The following SELP variants were observed in gnomAD, a reference collection of about 807,000 sequenced individuals.
SELP encodes the protein P-selectin.
Under a neutral mutation model 104.1 loss-of-function variants are expected in SELP, and 92 were observed. That is an observed-to-expected ratio of 0.88 (90% CI 0.75 to 1.05). SELP has a LOEUF of 1.05. Among genes scored for constraint, SELP ranks in the 50% least tolerant of loss-of-function variants. The pLI, the probability that SELP is intolerant of heterozygous loss-of-function variation, is 0.00. For synonymous variants in SELP, 397 were observed against 364.5 expected (o/e 1.09, Z -1.01); for missense variants, 1,022 against 1,017.3 (o/e 1.00, Z -0.06).
chr1:169,618,297 T>C (rs926584646), intron 2 of SELP, among the ~76,000 whole-genome samples: 2 of 152,224 alleles, frequency 1.3e-5, no homozygotes, highest in African/African-American at 4.8e-5. Flanking sequence ...TCCATTCTTC[T>C]TGGCTGTTTG....
chr1:169,614,737 G>A lies in SELP; in HGVS notation c.482-1044C>T, dbSNP rs1662724432. The stretch of plus-strand genomic sequence containing the variant: ...ACTAAAATTCTATAAACCATGCAAG[G>A]TTCTATAGGAAGAAGTTCCTGTGGC... On this transcript the variant is annotated intron_variant, in intron 3 of 16. Coordinates refer to ENST00000263686, the MANE Select transcript of SELP (RefSeq NM_003005.4). Among the ~76,000 whole-genome samples the A allele has an allele frequency of 2.0e-5, 3 of 152,128 alleles. No homozygotes were observed. The South Asian group carries it at 6.2e-4, about 32-fold the overall frequency.
intron 3 of SELP, among the ~76,000 whole-genome samples, chr1:169,614,198 A>G (rs1055203754): frequency 3.3e-5 from 5 of 152,216 alleles, no homozygotes; most frequent in African/African-American, 1.2e-4. Flanking sequence ...ACAGTGTTAG[A>G]GCCCAAACCC....
intron 1 of SELP, among the ~76,000 whole-genome samples, chr1:169,621,231 T>TTG (rs1274255327): frequency 4.1e-5 from 5 of 122,802 alleles, no homozygotes; most frequent in African/African-American, 9.5e-5. Context: ...TGGTGTGGAG[T>TTG]TGTGTGTGTG....
chr1:169,611,463 G>A (rs995588461), intron 7 of SELP, 29 bp downstream of exon 7: 3 of 1,609,028 alleles, frequency 1.9e-6, no homozygotes, highest in African/African-American at 2.7e-5. Context: ...TTCTTGGACA[G>A]AATGGAGGTT....
At position 169,597,018 on chromosome 1, in the gene SELP, A is replaced by G. The variant is rs867155719; in HGVS notation, c.1864T>C (p.Trp622Arg). 11 of 1,612,582 alleles carry G rather than the reference A, an allele frequency of 6.8e-6. 1 individual carries two copies. The South Asian group carries it at 7.7e-5, about 11-fold the overall frequency. Residue 622 changes from tryptophan (W) to arginine (R), a missense_variant, in exon 11 of 17, where the codon TGG becomes CGG. By Grantham distance (101) the Trp-to-Arg change is moderately radical. Transcript: ENST00000263686. ...NNVECTTSGR[W>R]SATPPTCKGI... is the part of the protein sequence containing the mutation. ...TTGCAGGTTGGTGGAGTAGCTGACC[A>G]TCTTCCAGAAGTTGTGCATTCCACA...
chr1:169,613,836 G>T, intron 3 of SELP, 143 bp from the exon 4 acceptor site: 1 of 665,416 alleles, frequency 1.5e-6, no homozygotes, highest in Non-Finnish European at 2.7e-6. Flanking sequence ...CTTCTAGAGA[G>T]CCAACCTGTC....
chr1:169,600,373 G>A (rs1252712291), intron 10 of SELP, among the ~76,000 whole-genome samples: 1 of 152,220 alleles, frequency 6.6e-6, no homozygotes, highest in Non-Finnish European at 1.5e-5. Context: ...AAGTCTAAAG[G>A]AGAATGTATG....
Position 169,604,835 on chromosome 1 carries a change from C to T in SELP, c.1520-1624G>A, listed in dbSNP as rs531447419. Among the ~76,000 whole-genome samples the T allele has an allele frequency of 4.6e-5, 7 of 152,084 alleles. No individual in the cohort carries two copies. In the South Asian group the frequency reaches 1.2e-3, roughly 27 times the overall value. On this transcript the variant is annotated intron_variant, in intron 9 of 16. Coordinates refer to ENST00000263686, the MANE Select transcript of SELP (RefSeq NM_003005.4). ...CTTCTGTGGCTTTGCCTTCTGACAG[C>T]AGGGGTAGATGTGGAGGGGTGGGAG...
chr1:169,604,576 C>T (rs1302176345), intron 9 of SELP, among the ~76,000 whole-genome samples: 1 of 152,222 alleles, frequency 6.6e-6, no homozygotes, highest in Non-Finnish European at 1.5e-5. Flanking sequence ...GTTTCAAGAA[C>T]ACTTTCTACG....
At chr1:169,604,652 A>G (rs1227671348) in intron 9 of SELP, among the ~76,000 whole-genome samples, 2 of 152,194 alleles carry the variant, frequency 1.3e-5, no homozygotes, top group Non-Finnish European at 2.9e-5. Flanking sequence ...CAACTTGTCC[A>G]AAGATCTGGT....
intron 10 of SELP, 100 bp downstream of exon 10, chr1:169,602,922 GTTGT>G: frequency 2.2e-6 from 2 of 889,326 alleles, no homozygotes. Flanking sequence ...TGTGGAGAGT[GTTGT>G]TTGCTTCAGC....
chr1:169,628,543 C>T (rs1330477785), intron 1 of SELP, among the ~76,000 whole-genome samples: 1 of 152,164 alleles, frequency 6.6e-6, no homozygotes, highest in Non-Finnish European at 1.5e-5. Flanking sequence ...AACATAAAGC[C>T]CAGGAGGCAA....
chr1:169,596,612 T>A (rs1053900202), intron 11 of SELP, among the ~76,000 whole-genome samples: 2 of 152,248 alleles, frequency 1.3e-5, no homozygotes, highest in Non-Finnish European at 2.9e-5. Context: ...TAACTTGCCA[T>A]GTGGCAGGAA....
At chr1:169,616,901 A>G in intron 3 of SELP, 127 bp downstream of exon 3, 2 of 1,015,658 alleles carry the variant, frequency 2.0e-6, no homozygotes, top group Non-Finnish European at 2.9e-6. Flanking sequence ...ATTGACTAAC[A>G]ATTTACCCCT....
At chr1:169,603,331 G>A in intron 9 of SELP, 120 bp from the exon 10 acceptor site, 1 of 730,634 alleles carries the variant, frequency 1.4e-6, no homozygotes, top group South Asian at 2.2e-5. Flanking sequence ...GTGTGTGTGT[G>A]TGTGTGTGTG....
intron 9 of SELP, among the ~76,000 whole-genome samples, chr1:169,605,521 T>C (rs1662143572): frequency 6.6e-6 from 1 of 152,112 alleles, no homozygotes; most frequent in African/African-American, 2.4e-5. Context: ...ATTATGCTTT[T>C]GTGTGACCTG....
In SELP at chr1:169,597,151, G is replaced by A; in HGVS notation, c.1731C>T (p.Ala577=). ...AACAATCCAGGCTGCCCTGCTCTGG[G>A]GCAAAGAGTTCTGGGCACTTGATGG... ...CEAIKCPELF[A]PEQGSLDCSD... is the part of the protein sequence containing the mutation. Residue 577 remains alanine, a synonymous_variant, in exon 11 of 17, where the codon GCC becomes GCT. Transcript: ENST00000263686. 6.2e-7 allele frequency: 1 copy of A among 1,603,900 alleles called. No homozygotes were observed. The highest frequency in any genetic ancestry group is 1.7e-5 in the Admixed American group (1 of 59,160).
intron 6 of SELP, 98 bp downstream of exon 6, chr1:169,612,119 T>A: frequency 7.8e-7 from 1 of 1,280,620 alleles, no homozygotes. Context: ...ATTTTGGCAA[T>A]TCAGGCCAGC....
At chr1:169,619,267 C>A (rs201819885) in intron 1 of SELP, 48 bp from the exon 2 acceptor site, 1 of 1,318,150 alleles carries the variant, frequency 7.6e-7, no homozygotes, top group African/African-American at 1.5e-5. Flanking sequence ...ACACCACCAA[C>A]ATGGCCAAAA....
Sources: gnomAD v4.1 joint callset for allele counts (sites outside exome capture counted in the v4.1 genomes callset) on GRCh38, gnomAD v4.1.1 for gene constraint, MANE v1.5 for transcripts, NCBI Gene and HGNC (gene_info 2026-07-23, HGNC 2026-07-21) for gene names.